Variants in ANKS1B observed in about 807,000 individuals in gnomAD.
ANKS1B encodes the protein ankyrin repeat and sterile alpha motif domain-containing protein 1B.
In ANKS1B, 36 loss-of-function variants were observed where a neutral mutation model predicts 148.3. The observed-to-expected ratio is 0.24, with a 90% CI of 0.19 to 0.32. The LOEUF (loss-of-function observed/expected upper bound fraction) is 0.32, where lower values mean the gene tolerates loss of function less well. Among genes scored for constraint, ANKS1B ranks in the 10% least tolerant of loss-of-function variants. The probability of loss-of-function intolerance (pLI) is 1.00; values close to 1 mark genes in which losing one functional copy is unlikely to be tolerated. For synonymous variants in ANKS1B, 542 were observed against 560.8 expected (o/e 0.97, Z 0.47); for missense variants, 1,157 against 1,542.6 (o/e 0.75, Z 4.19).
chr12:99,377,143 G>T (rs1364852214), intron 12 of ANKS1B, among the ~76,000 whole-genome samples: 1 of 152,046 alleles, frequency 6.6e-6, no homozygotes, highest in Non-Finnish European at 1.5e-5. Context: ...AAGTAGCTGG[G>T]ACTACAGTCG....
At chr12:99,351,912 T>C (rs1226351443) in intron 12 of ANKS1B, 1 of 152,078 alleles carries the variant, frequency 6.6e-6, no homozygotes, top group Non-Finnish European at 1.5e-5. Flanking sequence ...CTCTTCACTA[T>C]GGATGAAGTC....
At position 99,838,105 on chromosome 12, in the gene ANKS1B, C is replaced by T. The variant is rs116452590; in HGVS notation, c.135-12716G>A. 3.9e-3 allele frequency among the ~76,000 whole-genome samples: 594 copies of T among 152,128 alleles called. 10 individuals carry two copies. Among genetic ancestry groups the T allele is most frequent in the African/African-American group, 0.014 (578 of 41,502 alleles). Reference sequence around the variant, plus strand: ...ATCCAAGTTGCCAAAGACATTATTTCATTCTCTTTTACAGCTGTATAGTAT... The same window carrying T: ...ATCCAAGTTGCCAAAGACATTATTTTATTCTCTTTTACAGCTGTATAGTAT... On this transcript the variant is annotated intron_variant, in intron 1 of 26. Transcript: ENST00000683438.
At chr12:99,240,696 T>C (rs2089122748) in intron 14 of ANKS1B, among the ~76,000 whole-genome samples, 1 of 152,042 alleles carries the variant, frequency 6.6e-6, no homozygotes, top group African/African-American at 2.4e-5. Context: ...TAACAAACCG[T>C]CTCTAAAACC....
intron 17 of ANKS1B, among the ~76,000 whole-genome samples, chr12:98,989,054 G>A (rs563253226): frequency 6.6e-6 from 1 of 152,258 alleles, no homozygotes; most frequent in South Asian, 2.1e-4. Context: ...CTCACACTCT[G>A]TAGGTTGTCT....
At chr12:99,693,479 T>C (rs2053432750) in intron 8 of ANKS1B, among the ~76,000 whole-genome samples, 1 of 152,200 alleles carries the variant, frequency 6.6e-6, no homozygotes, top group African/African-American at 2.4e-5. Context: ...CAAGAGATTT[T>C]GTTTTGTATG....
chr12:98,888,144 T>G (rs1271630014), intron 17 of ANKS1B, among the ~76,000 whole-genome samples: 1 of 152,210 alleles, frequency 6.6e-6, no homozygotes, highest in African/African-American at 2.4e-5. Flanking sequence ...TTTATTGTGA[T>G]CATATAACAA....
chr12:99,799,164 T>C (rs1250671132), intron 4 of ANKS1B, among the ~76,000 whole-genome samples: 1 of 152,108 alleles, frequency 6.6e-6, no homozygotes, highest in African/African-American at 2.4e-5. Context: ...TCAATAAATA[T>C]ATGATAAATG....
intron 12 of ANKS1B, among the ~76,000 whole-genome samples, chr12:99,274,392 A>G (rs2077432692): frequency 1.3e-5 from 2 of 152,146 alleles, no homozygotes; most frequent in Admixed American, 1.3e-4. Context: ...ACTTTCAATA[A>G]TCTGCCTGGA....
At chr12:98,755,577 T>C (rs2098219261) in intron 25 of ANKS1B, among the ~76,000 whole-genome samples, 1 of 152,244 alleles carries the variant, frequency 6.6e-6, no homozygotes, top group South Asian at 2.1e-4. Flanking sequence ...ATACTCAGTC[T>C]AGCTACCATT....
chr12:99,418,680 T>C (rs770093154), intron 11 of ANKS1B, among the ~76,000 whole-genome samples: 129 of 152,202 alleles, frequency 8.5e-4, no homozygotes, highest in African/African-American at 1.4e-3. Context: ...CAGCACTATG[T>C]TGAGTGACAG....
chr12:99,151,591 A>G (rs1334438477), intron 15 of ANKS1B, among the ~76,000 whole-genome samples: 1 of 152,030 alleles, frequency 6.6e-6, no homozygotes, highest in East Asian at 1.9e-4. Context: ...ATATCTAGAC[A>G]TTGGTGAAAA....
chr12:99,645,833 G>C (rs1022267859), intron 9 of ANKS1B, among the ~76,000 whole-genome samples: 4 of 152,114 alleles, frequency 2.6e-5, no homozygotes, highest in African/African-American at 9.7e-5. Context: ...TGCTACATAG[G>C]ATGGTTATCA....
In ANKS1B at chr12:99,650,527, C is replaced by T. The variant is rs560745617; in HGVS notation, c.1272+4540G>A. On this transcript the variant is annotated intron_variant, in intron 9 of 26. Transcript: ENST00000683438. ...AGTCTCTTCATTCTTGATTTCCTTTCTTAAATCTTAATTAACTGCTTTGCA... is the reference window on the plus strand; with the variant it reads ...AGTCTCTTCATTCTTGATTTCCTTTTTTAAATCTTAATTAACTGCTTTGCA... Among the ~76,000 whole-genome samples, 26 of 152,260 alleles carry T rather than the reference C, an allele frequency of 1.7e-4. No individual in the cohort carries two copies. In the South Asian group the frequency reaches 5.2e-3, roughly 30 times the overall value.
intron 15 of ANKS1B, among the ~76,000 whole-genome samples, chr12:99,085,652 G>A (rs1323658847): frequency 9.2e-5 from 14 of 152,098 alleles, no homozygotes; most frequent in Admixed American, 9.2e-4. Flanking sequence ...AGAAAATGTG[G>A]TACATATACA....
intron 9 of ANKS1B, among the ~76,000 whole-genome samples, chr12:99,527,732 T>C (rs554489782): frequency 2.0e-5 from 3 of 152,286 alleles, no homozygotes; most frequent in East Asian, 3.9e-4. Flanking sequence ...ATCTGCAAAA[T>C]TAGAATAGTA....
intron 10 of ANKS1B, among the ~76,000 whole-genome samples, chr12:99,488,286 A>G (rs572529488): frequency 1.3e-5 from 2 of 152,160 alleles, no homozygotes; most frequent in South Asian, 4.1e-4. Flanking sequence ...TGCATGCAAT[A>G]TAATCTCTTT....
intron 17 of ANKS1B, among the ~76,000 whole-genome samples, chr12:98,897,888 A>G (rs2099767022): frequency 6.6e-6 from 1 of 152,264 alleles, no homozygotes; most frequent in African/African-American, 2.4e-5. Flanking sequence ...GCCATAAAAA[A>G]GAATGAAATC....
chr12:98,801,789 AG>A lies in ANKS1B; in HGVS notation c.3142-665del, dbSNP rs1289292350. Reference sequence around the variant, plus strand: ...ATGCCAAGTTTGGTCACATGTACATAGGCATGTACTTTGAGGATTCTGATTC... The same window carrying A: ...ATGCCAAGTTTGGTCACATGTACATAGCATGTACTTTGAGGATTCTGATTC... On this transcript the variant is annotated intron_variant, in intron 20 of 26. Transcript: ENST00000683438. This position sits in a 1 kb window ranked among gnomAD's most constrained non-coding sequence, Gnocchi z 5.2. Among the ~76,000 whole-genome samples the A allele has an allele frequency of 6.6e-6, 1 of 152,250 alleles. No homozygotes were observed. The highest frequency in any genetic ancestry group is 6.5e-5 in the Admixed American group (1 of 15,286).
intron 1 of ANKS1B, among the ~76,000 whole-genome samples, chr12:99,858,915 G>T (rs2089623426): frequency 6.6e-6 from 1 of 152,030 alleles, no homozygotes; most frequent in Non-Finnish European, 1.5e-5. Flanking sequence ...TACACACTGG[G>T]TACAGCGTAC....
Sources: allele counts gnomAD v4.1 joint callset (sites outside exome capture counted in the v4.1 genomes callset), GRCh38; gene constraint gnomAD v4.1.1; non-coding constraint Gnocchi (gnomAD v3.1); transcripts MANE v1.5; gene names NCBI Gene and HGNC (gene_info 2026-07-23, HGNC 2026-07-21).